The following ARHGAP15 variants were observed in gnomAD, a reference collection of about 807,000 sequenced individuals.
ARHGAP15 encodes rho GTPase-activating protein 15.
Under a neutral mutation model 63.7 loss-of-function variants are expected in ARHGAP15, and 51 were observed. The observed-to-expected ratio is 0.80, with a 90% CI of 0.64 to 1.01. The LOEUF is 1.01. ARHGAP15 is among the 50% of genes least tolerant of loss of function. ARHGAP15 has a pLI of 0.00. For missense variants in ARHGAP15, 560 were observed against 564.6 expected (o/e 0.99, Z 0.08); for synonymous variants, 191 against 193.8 (o/e 0.99, Z 0.12).
chr2:143,242,062 A>AAG (rs1389434201), intron 5 of ARHGAP15, among the ~76,000 whole-genome samples: 1 of 152,214 alleles, frequency 6.6e-6, no homozygotes, highest in Admixed American at 6.5e-5. Flanking sequence ...CTTTTGATTA[A>AAG]AGTTCACCAC....
chr2:143,154,455 G>T (rs775799715), intron 1 of ARHGAP15, among the ~76,000 whole-genome samples: 5 of 151,812 alleles, frequency 3.3e-5, no homozygotes, highest in Non-Finnish European at 5.9e-5. Flanking sequence ...TCTTCTTTTG[G>T]ATTATATTCG....
chr2:143,364,219 ACATTC>A (rs150686168), intron 6 of ARHGAP15, among the ~76,000 whole-genome samples: 2,510 of 152,186 alleles, frequency 0.016, 41 homozygotes, highest in South Asian at 0.1. Flanking sequence ...AAAAAAAAAA[ACATTC>A]AATCATCCAT....
chr2:143,473,006 C>T (rs1691651447), intron 8 of ARHGAP15, among the ~76,000 whole-genome samples: 1 of 152,154 alleles, frequency 6.6e-6, no homozygotes, highest in Admixed American at 6.5e-5. Flanking sequence ...ACATACTAGG[C>T]TTGATGACAG....
intron 12 of ARHGAP15, among the ~76,000 whole-genome samples, chr2:143,630,327 G>A (rs766700243): frequency 3.3e-5 from 5 of 151,992 alleles, no homozygotes; most frequent in South Asian, 2.1e-4. Context: ...TGTACACAAT[G>A]TTACTTTTCT....
chr2:143,471,063 A>G (rs1047492921), intron 8 of ARHGAP15, among the ~76,000 whole-genome samples: 1 of 149,648 alleles, frequency 6.7e-6, no homozygotes, highest in Non-Finnish European at 1.5e-5. Context: ...GCATATATAC[A>G]CATATGATAC....
intron 11 of ARHGAP15, among the ~76,000 whole-genome samples, chr2:143,619,256 A>G (rs184776455): frequency 5.3e-4 from 80 of 152,292 alleles, no homozygotes; most frequent in African/African-American, 1.9e-3. Context: ...TTTCTTTCAA[A>G]TATAATTTGT....
chr2:143,168,427 C>A (rs375670927), intron 2 of ARHGAP15, among the ~76,000 whole-genome samples: 2 of 152,046 alleles, frequency 1.3e-5, no homozygotes, highest in African/African-American at 2.4e-5. Flanking sequence ...AATCCTCCCA[C>A]CTTGGCCTTC....
In ARHGAP15 at chr2:143,678,783, T is replaced by C. The variant is rs1682950742; in HGVS notation, c.1139-24636T>C. On this transcript the variant is annotated intron_variant, in intron 12 of 13. Transcript: ENST00000295095. ...AGATTGTCAAGTTTCCCAAACTTCA[T>C]TGATCCATATGCTAACTTCACTGAT... is the stretch of plus-strand genomic sequence containing the variant. Among the ~76,000 whole-genome samples the C allele has an allele frequency of 5.3e-5, 8 of 152,324 alleles. No homozygotes were observed. The South Asian group carries it at 1.7e-3, about 32-fold the overall frequency.
intron 10 of ARHGAP15, among the ~76,000 whole-genome samples, chr2:143,544,595 T>A (rs558378741): frequency 3.3e-5 from 5 of 152,340 alleles, no homozygotes; most frequent in African/African-American, 1.2e-4. Flanking sequence ...TTCTCACATT[T>A]TAGTGCGTGT....
chr2:143,312,183 T>C (rs1574255297), intron 6 of ARHGAP15, among the ~76,000 whole-genome samples: 1 of 152,266 alleles, frequency 6.6e-6, no homozygotes, highest in African/African-American at 2.4e-5. Flanking sequence ...AGTATTTGGA[T>C]AGGAAAAAAG....
intron 6 of ARHGAP15, among the ~76,000 whole-genome samples, chr2:143,385,800 G>A (rs1486689780): frequency 6.6e-6 from 1 of 151,984 alleles, no homozygotes; most frequent in Non-Finnish European, 1.5e-5. Context: ...TTTAGAAAAT[G>A]TAGATGTCTT....
At chr2:143,378,018 G>A (rs968658046) in intron 6 of ARHGAP15, among the ~76,000 whole-genome samples, 1 of 151,938 alleles carries the variant, frequency 6.6e-6, no homozygotes, top group African/African-American at 2.4e-5. Context: ...GAATACTTTG[G>A]CTTTAGAAAC....
chr2:143,256,411 A>C (rs957390578), intron 6 of ARHGAP15, among the ~76,000 whole-genome samples: 3 of 152,144 alleles, frequency 2.0e-5, no homozygotes, highest in Admixed American at 2.0e-4. Context: ...TTGTGTGACT[A>C]AGAATATAGA....
At chr2:143,710,401 T>C (rs549061099) in intron 13 of ARHGAP15, among the ~76,000 whole-genome samples, 1 of 152,214 alleles carries the variant, frequency 6.6e-6, no homozygotes, top group Non-Finnish European at 1.5e-5. Context: ...CTCCCCATAG[T>C]AATCATTAAA....
intron 13 of ARHGAP15, among the ~76,000 whole-genome samples, chr2:143,748,567 C>A (rs1686253972): frequency 6.6e-6 from 1 of 152,144 alleles, no homozygotes. Context: ...TCATTTGCTG[C>A]GTGTATTTGT....
At chr2:143,202,054 ATTGG>A in intron 2 of ARHGAP15, 76 bp from the exon 3 acceptor site, 1 of 1,054,460 alleles carries the variant, frequency 9.5e-7, no homozygotes, top group Non-Finnish European at 1.5e-6. Context: ...ATAACACTGA[ATTGG>A]TTATTTTATG....
intron 13 of ARHGAP15, among the ~76,000 whole-genome samples, chr2:143,737,961 C>G (rs546313097): frequency 6.6e-6 from 1 of 152,086 alleles, no homozygotes; most frequent in East Asian, 1.9e-4. Context: ...TTTCACCATG[C>G]CGGTCAGGTT....
At chr2:143,475,381 G>T (rs563075093) in intron 8 of ARHGAP15, among the ~76,000 whole-genome samples, 3 of 152,330 alleles carry the variant, frequency 2.0e-5, no homozygotes, top group Non-Finnish European at 2.9e-5. Flanking sequence ...ACTTCCTGTG[G>T]GGGAGGGCAT....
At chr2:143,639,147 A>G (rs956307022) in intron 12 of ARHGAP15, among the ~76,000 whole-genome samples, 14 of 152,154 alleles carry the variant, frequency 9.2e-5, no homozygotes, top group African/African-American at 3.4e-4. Flanking sequence ...GTGTCTATTT[A>G]GAAATGAGAT....
Sources: gnomAD v4.1 joint callset for allele counts (sites outside exome capture counted in the v4.1 genomes callset) on GRCh38, gnomAD v4.1.1 for gene constraint, MANE v1.5 for transcripts, NCBI Gene and HGNC (gene_info 2026-07-23, HGNC 2026-07-21) for gene names.